Variants in SPEF2 observed in about 807,000 individuals in gnomAD.
SPEF2 encodes the protein sperm flagellar and cilia associated 2, also known as sperm flagella and cilia-associated protein 2.
In SPEF2, 187 loss-of-function variants were observed where a neutral mutation model predicts 224.6. The observed-to-expected ratio is 0.83, with a 90% confidence interval of 0.74 to 0.94. The LOEUF is 0.94. SPEF2 is among the 40% of genes least tolerant of loss of function. The pLI is 0.00. For synonymous variants in SPEF2, 715 were observed against 707.3 expected (o/e 1.01, Z -0.17); for missense variants, 2,170 against 2,135.6 (o/e 1.02, Z -0.32).
chr5:35,785,048 T>G (rs1325333541), intron 30 of SPEF2, among the ~76,000 whole-genome samples: 1 of 152,228 alleles, frequency 6.6e-6, no homozygotes, highest in East Asian at 1.9e-4. Context: ...AGTATTTTGA[T>G]CTGAAAATTG....
intron 30 of SPEF2, among the ~76,000 whole-genome samples, chr5:35,784,885 C>CGAG (rs1283204688): frequency 6.6e-6 from 1 of 152,158 alleles, no homozygotes; most frequent in Non-Finnish European, 1.5e-5. Flanking sequence ...CACTGTCAGT[C>CGAG]TCTCTGCAAA....
chr5:35,813,279 G>A (rs1758649148), intron 36 of SPEF2, among the ~76,000 whole-genome samples: 1 of 152,084 alleles, frequency 6.6e-6, no homozygotes, highest in Admixed American at 6.6e-5. Flanking sequence ...GATTGCTTGA[G>A]GCCAGGTGTT....
At chr5:35,729,037 A>G (rs190797157) in intron 21 of SPEF2, among the ~76,000 whole-genome samples, 39 of 152,294 alleles carry the variant, frequency 2.6e-4, no homozygotes, top group Admixed American at 2.1e-3. Flanking sequence ...AGCCCTTGTA[A>G]GAAATAAATC....
intron 10 of SPEF2, among the ~76,000 whole-genome samples, chr5:35,682,591 T>A (rs1318798897): frequency 6.7e-6 from 1 of 148,856 alleles, no homozygotes; most frequent in Non-Finnish European, 1.5e-5. Flanking sequence ...AAACACTGGA[T>A]TATATGTACC....
intron 6 of SPEF2, among the ~76,000 whole-genome samples, chr5:35,652,824 A>T (rs566949441): frequency 6.6e-6 from 1 of 152,316 alleles, no homozygotes; most frequent in Non-Finnish European, 1.5e-5. Flanking sequence ...TTTTTATCAG[A>T]GTACTTGTGT....
chr5:35,654,792 A>G (rs1428011539), intron 7 of SPEF2, 66 bp downstream of exon 7: 1 of 1,396,852 alleles, frequency 7.2e-7, no homozygotes, highest in African/African-American at 1.4e-5. Context: ...TCTTCTATAC[A>G]CATAATATGT....
intron 3 of SPEF2, 44 bp from the exon 4 acceptor site, chr5:35,644,311 C>G (rs747517445): frequency 4.2e-6 from 6 of 1,424,940 alleles, no homozygotes; most frequent in Admixed American, 2.6e-5. Context: ...AAAATGTACT[C>G]TTTATTCTCT....
intron 6 of SPEF2, 26 bp from the exon 7 acceptor site, chr5:35,654,514 T>C (rs373050077): frequency 6.6e-7 from 1 of 1,515,560 alleles, no homozygotes; most frequent in African/African-American, 1.4e-5. Context: ...TATTTAAAAA[T>C]CTAAAATAAA....
intron 20 of SPEF2, among the ~76,000 whole-genome samples, chr5:35,720,197 C>G (rs1743365137): frequency 6.6e-6 from 1 of 152,190 alleles, no homozygotes; most frequent in Non-Finnish European, 1.5e-5. Context: ...CAGAGAGAAA[C>G]AAACATGCTC....
intron 20 of SPEF2, among the ~76,000 whole-genome samples, chr5:35,727,250 C>T (rs1744826158): frequency 6.6e-6 from 1 of 152,176 alleles, no homozygotes; most frequent in Non-Finnish European, 1.5e-5. Flanking sequence ...TCTCTCTGCC[C>T]TCTAACCTGG....
intron 19 of SPEF2, chr5:35,709,706 G>C: frequency 4.1e-6 from 4 of 985,376 alleles, no homozygotes; most frequent in Non-Finnish European, 4.8e-6. Context: ...GTTTGTTCTA[G>C]ATCCTTAACC....
chr5:35,703,019 G>A (rs1738968274), intron 16 of SPEF2, among the ~76,000 whole-genome samples: 1 of 151,716 alleles, frequency 6.6e-6, no homozygotes, highest in Admixed American at 6.6e-5. Context: ...CAGAGATAGA[G>A]AGTGAGTGGA....
intron 23 of SPEF2, among the ~76,000 whole-genome samples, chr5:35,750,926 A>G (rs1749302485): frequency 6.9e-6 from 1 of 144,584 alleles, no homozygotes; most frequent in African/African-American, 2.6e-5. Context: ...TCACAGTTGC[A>G]AAATCGTGGA....
intron 23 of SPEF2, among the ~76,000 whole-genome samples, chr5:35,747,649 A>T (rs1748759141): frequency 6.6e-6 from 1 of 152,192 alleles, no homozygotes; most frequent in South Asian, 2.1e-4. Context: ...TCCTAAACAT[A>T]TATGCACCTA....
chr5:35,757,049 T>TTTAATA (rs1750547269), intron 24 of SPEF2, among the ~76,000 whole-genome samples: 2 of 148,798 alleles, frequency 1.3e-5, no homozygotes, highest in Non-Finnish European at 3.0e-5. Flanking sequence ...AAATCTTGTT[T>TTTAATA]ACTATTAAAA....
rs34104158 is a variant in SPEF2 at position 35,804,716 on chromosome 5, T to TA, written c.5011-1982dup. Among the ~76,000 whole-genome samples, 36 of 151,706 alleles carry TA rather than the reference T, an allele frequency of 2.4e-4. No homozygotes were observed. The East Asian group carries it at 2.9e-3, about 12-fold the overall frequency. The stretch of plus-strand genomic sequence containing the variant: ...GTTTACATTGCTACCTCTTAAATTT[T>TA]AAAAAAAAATCATTTATTCCATTAT... On this transcript the variant is annotated intron_variant, in intron 34 of 36. Transcript: ENST00000356031.
chr5:35,736,590 T>G (rs955387619), intron 21 of SPEF2, among the ~76,000 whole-genome samples: 9 of 152,200 alleles, frequency 5.9e-5, no homozygotes. Context: ...CCCCACCTTA[T>G]GCTCCAATCA....
intron 29 of SPEF2, among the ~76,000 whole-genome samples, chr5:35,777,134 A>T (rs1044858713): frequency 6.6e-6 from 1 of 152,236 alleles, no homozygotes; most frequent in African/African-American, 2.4e-5. Flanking sequence ...TACAATAAAC[A>T]TTTACTGAAA....
intron 33 of SPEF2, among the ~76,000 whole-genome samples, chr5:35,799,648 G>A (rs1757154892): frequency 6.6e-6 from 1 of 152,074 alleles, no homozygotes; most frequent in Non-Finnish European, 1.5e-5. Flanking sequence ...AGGACAGATA[G>A]ATGGGTCCTT....
Sources: gnomAD v4.1 joint callset for allele counts (sites outside exome capture counted in the v4.1 genomes callset) on GRCh38, gnomAD v4.1.1 for gene constraint, MANE v1.5 for transcripts, NCBI Gene and HGNC (gene_info 2026-07-23, HGNC 2026-07-21) for gene names.